The following AGBL1 variants were observed in gnomAD, a reference collection of about 807,000 sequenced individuals.
AGBL1 encodes AGBL carboxypeptidase 1.
AGBL1 carries 130 observed loss-of-function variants against 118.9 expected under a neutral mutation model. That is an observed-to-expected ratio of 1.09 (90% CI 0.95 to 1.26). AGBL1 has a LOEUF of 1.26. Among genes scored for constraint, AGBL1 ranks in the 50% most tolerant of loss-of-function variants. The probability of loss-of-function intolerance (pLI) is 0.00; values close to 1 mark genes in which losing one functional copy is unlikely to be tolerated. For synonymous variants in AGBL1, 555 were observed against 478.9 expected (o/e 1.16, Z -2.08); for missense variants, 1,584 against 1,298.1 (o/e 1.22, Z -3.38).
intron 24 of AGBL1, among the ~76,000 whole-genome samples, chr15:87,005,026 G>A (rs551657107): frequency 1.7e-4 from 26 of 152,282 alleles, no homozygotes; most frequent in Admixed American, 1.7e-3. Flanking sequence ...CCCCCACTCT[G>A]TTCTGGCTTG....
At chr15:86,124,870 G>C (rs781487057) in intron 1 of AGBL1, among the ~76,000 whole-genome samples, 1 of 152,120 alleles carries the variant, frequency 6.6e-6, no homozygotes. Flanking sequence ...TATAATGGCA[G>C]GGCACAATTA....
intron 17 of AGBL1, among the ~76,000 whole-genome samples, chr15:86,362,553 G>T (rs1216956148): frequency 6.6e-6 from 1 of 152,180 alleles, no homozygotes. Flanking sequence ...ACAGGGATAG[G>T]CATGTTTCCT....
chr15:86,316,165 C>G (rs1180797500), intron 17 of AGBL1, among the ~76,000 whole-genome samples: 1 of 152,146 alleles, frequency 6.6e-6, no homozygotes, highest in Non-Finnish European at 1.5e-5. Flanking sequence ...CTAACAGGGT[C>G]CCATGACAGT....
chr15:86,412,865 C>G (rs568228342), intron 18 of AGBL1, among the ~76,000 whole-genome samples: 1 of 152,208 alleles, frequency 6.6e-6, no homozygotes, highest in African/African-American at 2.4e-5. Context: ...TTGACAATGC[C>G]AAGTACTTTA....
chr15:86,707,830 A>C (rs760716335), intron 22 of AGBL1, among the ~76,000 whole-genome samples: 1 of 152,000 alleles, frequency 6.6e-6, no homozygotes, highest in Non-Finnish European at 1.5e-5. Flanking sequence ...TTCAATGGAG[A>C]TGAGGAGATA....
intron 17 of AGBL1, among the ~76,000 whole-genome samples, chr15:86,299,274 T>C (rs1018503877): frequency 4.6e-5 from 7 of 152,132 alleles, no homozygotes; most frequent in Non-Finnish European, 7.3e-5. Context: ...GGAAGTTCTC[T>C]GGGAGATTGT....
intron 22 of AGBL1, among the ~76,000 whole-genome samples, chr15:86,869,728 A>G (rs1428398514): frequency 6.6e-6 from 1 of 152,162 alleles, no homozygotes; most frequent in Non-Finnish European, 1.5e-5. Flanking sequence ...TACCCCAACT[A>G]TTACACATGC....
At chr15:86,253,193 G>A (rs1387620944) in intron 7 of AGBL1, among the ~76,000 whole-genome samples, 1 of 152,142 alleles carries the variant, frequency 6.6e-6, no homozygotes, top group Non-Finnish European at 1.5e-5. Flanking sequence ...CAGTGCCAGG[G>A]CATTTAGAGT....
intron 5 of AGBL1, among the ~76,000 whole-genome samples, chr15:86,223,738 C>T (rs1018953208): frequency 6.6e-6 from 1 of 152,186 alleles, no homozygotes; most frequent in African/African-American, 2.4e-5. Flanking sequence ...GGCTTTTGCT[C>T]TTGTGGAACT....
intron 21 of AGBL1, among the ~76,000 whole-genome samples, chr15:86,576,803 T>C (rs1391802706): frequency 6.6e-6 from 1 of 152,220 alleles, no homozygotes; most frequent in South Asian, 2.1e-4. Flanking sequence ...GGAGTTTCCT[T>C]GCACAAGCCC....
Position 86,379,205 on chromosome 15 carries a change from G to A in AGBL1, c.2375-18161G>A, listed in dbSNP as rs370676949. ...TAGGATTACCAGCATGAGCCACCGT[G>A]CCTGGCCGGTCACTTTAGTTTAGAT... On this transcript the variant is annotated intron_variant, in intron 17 of 22. Transcript: ENST00000614907. Among the ~76,000 whole-genome samples, 8 of 152,096 alleles carry A rather than the reference G, an allele frequency of 5.3e-5. No homozygotes were observed. In the East Asian group the frequency reaches 1.6e-3, roughly 30 times the overall value.
intron 22 of AGBL1, among the ~76,000 whole-genome samples, chr15:86,894,085 T>C (rs1449755949): frequency 6.6e-6 from 1 of 152,182 alleles, no homozygotes; most frequent in African/African-American, 2.4e-5. Flanking sequence ...ACTTCACTTT[T>C]GAATGTGTGT....
intron 23 of AGBL1, among the ~76,000 whole-genome samples, chr15:86,957,453 A>G (rs2080942255): frequency 6.6e-6 from 1 of 152,108 alleles, no homozygotes; most frequent in African/African-American, 2.4e-5. Context: ...CAGGGAATCC[A>G]TAAAAAATAT....
chr15:86,781,760 T>A (rs2078339387), intron 22 of AGBL1, among the ~76,000 whole-genome samples: 1 of 152,150 alleles, frequency 6.6e-6, no homozygotes, highest in South Asian at 2.1e-4. Flanking sequence ...AGCCTCAGCT[T>A]GAGGCTTATG....
At chr15:86,586,865 G>C (rs953632768) in intron 21 of AGBL1, among the ~76,000 whole-genome samples, 1 of 152,048 alleles carries the variant, frequency 6.6e-6, no homozygotes, top group Non-Finnish European at 1.5e-5. Context: ...TTAAGGGGGG[G>C]TCTGTTATTT....
At chr15:86,642,621 A>ATATAT (rs1555433229) in intron 21 of AGBL1, among the ~76,000 whole-genome samples, 3 of 92,178 alleles carry the variant, frequency 3.3e-5, no homozygotes, top group Non-Finnish European at 7.9e-5. Flanking sequence ...TTTACTTATT[A>ATATAT]AATAATATTT....
chr15:86,851,281 C>T (rs1394310423), intron 22 of AGBL1, among the ~76,000 whole-genome samples: 2 of 152,150 alleles, frequency 1.3e-5, no homozygotes, highest in Non-Finnish European at 2.9e-5. Context: ...GACTATAAAT[C>T]TCTAGGATTT....
chr15:86,979,365 C>A (rs2081206177), intron 23 of AGBL1, among the ~76,000 whole-genome samples: 1 of 152,124 alleles, frequency 6.6e-6, no homozygotes, highest in Non-Finnish European at 1.5e-5. Context: ...CCCCAATGTC[C>A]TAAAATCACA....
chr15:86,277,465 T>C lies in AGBL1; in HGVS notation c.2076-2174T>C, dbSNP rs151137037. ...AGGATTAGCCCATTTTATTTCTCTT[T>C]CCATTTCACTGCAGCTGTTTTTTCC... On this transcript the variant is annotated intron_variant, in intron 15 of 22. Coordinates refer to ENST00000614907, the MANE Select transcript of AGBL1 (RefSeq NM_001386094.1). Among the ~76,000 whole-genome samples, 363 of 152,288 alleles carry C rather than the reference T, an allele frequency of 2.4e-3. 1 individual carries two copies. The highest frequency in any genetic ancestry group is 8.1e-3 in the African/African-American group (337 of 41,562).
Sources: gnomAD v4.1 joint callset for allele counts (sites outside exome capture counted in the v4.1 genomes callset) on GRCh38, gnomAD v4.1.1 for gene constraint, MANE v1.5 for transcripts, NCBI Gene and HGNC (gene_info 2026-07-23, HGNC 2026-07-21) for gene names.